Variants in P4HA1 observed in about 807,000 individuals in gnomAD.
P4HA1 encodes the protein prolyl 4-hydroxylase subunit alpha-1.
A neutral mutation model predicts 72.8 loss-of-function variants in P4HA1; 24 were observed. The observed-to-expected ratio is 0.33, with a 90% confidence interval of 0.24 to 0.46. The LOEUF is 0.46. P4HA1 is among the 20% of genes least tolerant of loss of function. P4HA1 has a pLI of 1.00. For missense variants in P4HA1, 446 were observed against 640.6 expected, an observed-to-expected ratio of 0.70 and a Z score of 3.28; for synonymous variants, 201 against 218.8, an observed-to-expected ratio of 0.92 and a Z score of 0.72.
chr10:73,040,918 G>T (rs961331306), intron 9 of P4HA1, among the ~76,000 whole-genome samples: 1 of 151,904 alleles, frequency 6.6e-6, no homozygotes. Context: ...TAAAGAAGGG[G>T]TTTTTTGTAG....
At chr10:73,093,836 C>T (rs1412846546) in intron 1 of P4HA1, among the ~76,000 whole-genome samples, 9 of 61,150 alleles carry the variant, frequency 1.5e-4, no homozygotes, top group Non-Finnish European at 2.4e-4. Context: ...GAGTGAAACT[C>T]CATCTCAAAA....
rs200155008 is a variant in P4HA1 at position 73,053,412 on chromosome 10, C to T, written c.642G>A (p.Ala214=). 51 of 1,613,796 alleles carry T rather than the reference C, an allele frequency of 3.2e-5. No individual in the cohort carries two copies. Among genetic ancestry groups the T allele is most frequent in the Non-Finnish European group, 4.2e-5 (50 of 1,179,834 alleles). ...TATCCAGGTCTCCCTGCTGATATAC[C>T]GCATAGCTCAAATAATCTAGAACAG... The part of the protein sequence containing the change: ...KVSVLDYLSY[A]VYQQGDLDKA... Residue 214 remains alanine (A), a synonymous_variant, in exon 6 of 15, where the codon GCG becomes GCA. Coordinates refer to ENST00000394890, the MANE Select transcript of P4HA1 (RefSeq NM_001017962.3).
intron 1 of P4HA1, among the ~76,000 whole-genome samples, chr10:73,085,729 A>G (rs1307421154): frequency 2.0e-5 from 3 of 152,094 alleles, no homozygotes; most frequent in African/African-American, 7.2e-5. Context: ...ACATTTCTCC[A>G]AAGAGGCAAG....
chr10:73,022,878 T>A (rs958796143), intron 10 of P4HA1, among the ~76,000 whole-genome samples: 1 of 152,044 alleles, frequency 6.6e-6, no homozygotes, highest in African/African-American at 2.4e-5. Flanking sequence ...TTTGATCAAG[T>A]GGAACAAAGG....
chr10:73,035,195 T>C (rs1423826875), intron 9 of P4HA1, among the ~76,000 whole-genome samples: 1 of 151,940 alleles, frequency 6.6e-6, no homozygotes, highest in Non-Finnish European at 1.5e-5. Context: ...TGACACCACT[T>C]TATATTCCCA....
intron 12 of P4HA1, among the ~76,000 whole-genome samples, chr10:73,012,003 T>G (rs1194556679): frequency 6.6e-6 from 1 of 152,170 alleles, no homozygotes; most frequent in Non-Finnish European, 1.5e-5. Flanking sequence ...AAGTTGTGCA[T>G]GAGAGGAAAA....
At chr10:73,088,468 G>C (rs1333948172) in intron 1 of P4HA1, among the ~76,000 whole-genome samples, 6 of 152,072 alleles carry the variant, frequency 3.9e-5, no homozygotes, top group Admixed American at 3.9e-4. Context: ...ACCACACATG[G>C]GGACCATCAA....
At chr10:73,089,905 T>C (rs1031691758) in intron 1 of P4HA1, among the ~76,000 whole-genome samples, 1 of 152,164 alleles carries the variant, frequency 6.6e-6, no homozygotes, top group African/African-American at 2.4e-5. Context: ...AGCGTGATCT[T>C]GGCTCACCGC....
At chr10:73,068,712 G>A in intron 5 of P4HA1, 134 bp downstream of exon 5, 1 of 682,816 alleles carries the variant, frequency 1.5e-6, no homozygotes. Context: ...TGATTCTTTA[G>A]TCTTCGAAGG....
chr10:73,094,716 T>C (rs1842122943), intron 1 of P4HA1, among the ~76,000 whole-genome samples: 1 of 152,226 alleles, frequency 6.6e-6, no homozygotes, highest in South Asian at 2.1e-4. Flanking sequence ...CTTTTCAGTA[T>C]ACAACTTATT....
chr10:73,063,052 C>T (rs149107158), intron 5 of P4HA1, among the ~76,000 whole-genome samples: 4 of 152,222 alleles, frequency 2.6e-5, no homozygotes, highest in East Asian at 3.9e-4. Flanking sequence ...TGAAGACCCA[C>T]GTTTTGATGT....
intron 4 of P4HA1, among the ~76,000 whole-genome samples, chr10:73,070,500 T>C (rs1006332258): frequency 6.6e-6 from 1 of 152,034 alleles, no homozygotes; most frequent in Non-Finnish European, 1.5e-5. Flanking sequence ...ATCAAGCATA[T>C]TTTTATGCTG....
At chr10:73,069,687 A>C (rs909520252) in intron 4 of P4HA1, among the ~76,000 whole-genome samples, 1 of 152,212 alleles carries the variant, frequency 6.6e-6, no homozygotes, top group African/African-American at 2.4e-5. Context: ...AGAAGAATGA[A>C]TGCTAAACAC....
chr10:73,088,331 A>T (rs1488784361), intron 1 of P4HA1, among the ~76,000 whole-genome samples: 1 of 152,160 alleles, frequency 6.6e-6, no homozygotes, highest in African/African-American at 2.4e-5. Flanking sequence ...ACATCTGGGT[A>T]AGTCTGTAAG....
chr10:73,012,091 A>G (rs1474900800), intron 12 of P4HA1, among the ~76,000 whole-genome samples: 1 of 152,204 alleles, frequency 6.6e-6, no homozygotes, highest in Non-Finnish European at 1.5e-5. Context: ...TTAAAATGCT[A>G]TACAACTATT....
chr10:73,033,925 A>G (rs1168074794), intron 9 of P4HA1, among the ~76,000 whole-genome samples: 1 of 152,228 alleles, frequency 6.6e-6, no homozygotes, highest in Non-Finnish European at 1.5e-5. Flanking sequence ...TAACATCAGG[A>G]AAGTTAAACA....
intron 5 of P4HA1, among the ~76,000 whole-genome samples, chr10:73,061,024 T>C (rs961057635): frequency 1.4e-4 from 21 of 152,088 alleles, no homozygotes; most frequent in African/African-American, 5.1e-4. Flanking sequence ...GTAAAAGGAA[T>C]AATGGAATGA....
At chr10:73,074,360 C>G (rs536616563) in intron 2 of P4HA1, among the ~76,000 whole-genome samples, 1 of 151,980 alleles carries the variant, frequency 6.6e-6, no homozygotes, top group Admixed American at 6.6e-5. Flanking sequence ...TCATGCCTGT[C>G]GTAATCCCAG....
intron 1 of P4HA1, among the ~76,000 whole-genome samples, chr10:73,079,689 C>T (rs1841780737): frequency 6.6e-6 from 1 of 152,090 alleles, no homozygotes. Context: ...TTCCTGTGGG[C>T]TGAGATCTCG....
Sources: gnomAD v4.1 joint callset for allele counts (sites outside exome capture counted in the v4.1 genomes callset) on GRCh38, gnomAD v4.1.1 for gene constraint, MANE v1.5 for transcripts, NCBI Gene and HGNC (gene_info 2026-07-23, HGNC 2026-07-21) for gene names.